Variants in POLN observed in about 807,000 individuals in gnomAD.
The protein encoded by POLN is DNA polymerase N.
POLN carries 108 observed loss-of-function variants against 113.5 expected under a neutral mutation model. That is an observed-to-expected ratio of 0.95 (90% CI 0.81 to 1.12). The LOEUF is 1.12. Ranked by LOEUF, POLN falls within the 50% of genes most tolerant of loss-of-function variation. The probability of loss-of-function intolerance (pLI) is 0.00; values close to 1 mark genes in which losing one functional copy is unlikely to be tolerated. For synonymous variants in POLN, 386 were observed against 391.5 expected (o/e 0.99, Z 0.17); for missense variants, 1,097 against 1,077.1 (o/e 1.02, Z -0.26).
intron 16 of POLN, among the ~76,000 whole-genome samples, chr4:2,144,667 G>A (rs1732089326): frequency 6.6e-6 from 1 of 152,046 alleles, no homozygotes; most frequent in Non-Finnish European, 1.5e-5. Flanking sequence ...CTTAAAAATT[G>A]CTCCCCCACA....
rs34038036 is a variant in POLN at position 2,176,369 on chromosome 4, T to C, written c.1180-35A>G. 4.5e-4 allele frequency: 681 copies of C among 1,523,514 alleles called. 5 individuals are homozygous for C. The East Asian group carries it at 0.013, about 29-fold the overall frequency. The allele number at this position is 1,523,514 out of a possible 1,614,324, so 94.4% of individuals were successfully genotyped here. ...AGCAAAAGTATTTTTAAAAATCAGA[T>C]AAACTTGGTGGCAGTGCTCACCACA... On this transcript the variant is annotated intron_variant, in intron 8 of 25. Coordinates refer to ENST00000511885, the MANE Select transcript of POLN (RefSeq NM_181808.4).
chr4:2,201,068 C>A (rs866585916), intron 5 of POLN, among the ~76,000 whole-genome samples: 1 of 151,830 alleles, frequency 6.6e-6, no homozygotes, highest in African/African-American at 2.4e-5. Context: ...GAGATCGAGA[C>A]CATCCTGGCT....
At chr4:2,081,315 G>T in intron 22 of POLN, 1 of 878,130 alleles carries the variant, frequency 1.1e-6, no homozygotes, top group Non-Finnish European at 1.7e-6. Flanking sequence ...CCTAGGCCAA[G>T]TGCCAAGGAA....
intron 3 of POLN, among the ~76,000 whole-genome samples, chr4:2,222,502 C>G (rs1450000992): frequency 1.3e-5 from 2 of 152,104 alleles, no homozygotes; most frequent in East Asian, 3.9e-4. Flanking sequence ...GACCTCCAGC[C>G]TAGGTATCAC....
rs1425292234 is a variant in POLN at position 2,126,009 on chromosome 4, T to G, written c.1982+2104A>C. On this transcript the variant is annotated intron_variant, in intron 19 of 25. Coordinates refer to ENST00000511885, the MANE Select transcript of POLN (RefSeq NM_181808.4). This position sits in a 1 kb window ranked among gnomAD's most constrained non-coding sequence, Gnocchi z 4.6. Reference sequence around the variant, plus strand: ...GTCACAGAGGGTAAGGTGCAGGGTCTAAGGAGGAGGACAGAGGACAGGAGA... The same window carrying G: ...GTCACAGAGGGTAAGGTGCAGGGTCGAAGGAGGAGGACAGAGGACAGGAGA... 6.6e-6 allele frequency among the ~76,000 whole-genome samples: 1 copy of G among 152,068 alleles called. No homozygotes were observed. The highest frequency in any genetic ancestry group is 2.4e-5 in the African/African-American group (1 of 41,392).
intron 19 of POLN, among the ~76,000 whole-genome samples, chr4:2,097,730 C>T (rs1365635244): frequency 6.6e-6 from 1 of 152,256 alleles, no homozygotes; most frequent in South Asian, 2.1e-4. Flanking sequence ...TCTTGAACTC[C>T]TGGTCTCAAG....
In POLN at chr4:2,242,085, G is replaced by GCCGCCA. The variant is rs1239077232; in HGVS notation, c.-324_-319dup. ...TTCCGCTTGCTTCTCGCAGGAGCCCGCCGCCACCGCCCTCCGTGCCCCGCG... is the reference window on the plus strand; with the variant it reads ...TTCCGCTTGCTTCTCGCAGGAGCCCGCCGCCACCGCCACCGCCCTCCGTGCCCCGCG... On this transcript the variant is annotated 5_prime_UTR_variant, in exon 1 of 26. Coordinates refer to ENST00000511885, the MANE Select transcript of POLN (RefSeq NM_181808.4). 1 of 985,750 alleles carries GCCGCCA rather than the reference G, an allele frequency of 1.0e-6. No individual in the cohort carries two copies. The highest frequency in any genetic ancestry group is 1.7e-5 in the African/African-American group (1 of 57,258). The allele number at this position is 985,750 out of a possible 1,614,324, so 61.1% of individuals were successfully genotyped here. A position where few individuals can be genotyped will look rare whatever the true frequency, so the allele number is the denominator to read the frequency against.
chr4:2,216,193 G>A (rs192530017), intron 3 of POLN, among the ~76,000 whole-genome samples: 43 of 152,302 alleles, frequency 2.8e-4, no homozygotes, highest in African/African-American at 1.0e-3. Flanking sequence ...AGCTCAAAAT[G>A]ACCAGACAGC....
rs751111781 is a variant in POLN, at chr4:2,232,065, TTTTC to T, written c.-12-2826_-12-2823del. ...GATGTAATTTATTATTTGCCAAAGT[TTTTC>T]TTTTTGTCTTCACATCAGCAAGAAT... is the stretch of plus-strand genomic sequence containing the variant. On this transcript the variant is annotated intron_variant, in intron 2 of 25. Coordinates refer to ENST00000511885, the MANE Select transcript of POLN (RefSeq NM_181808.4). The T allele has an allele frequency of 3.3e-5, 53 of 1,594,478 alleles. No homozygotes were observed. In the African/African-American group the frequency reaches 6.8e-4, roughly 21 times the overall value.
chr4:2,198,415 A>T, intron 6 of POLN, 109 bp downstream of exon 6: 1 of 958,170 alleles, frequency 1.0e-6, no homozygotes, highest in Non-Finnish European at 1.5e-6. Context: ...ATGTGCCCAT[A>T]CAAAACTTCT....
chr4:2,227,181 G>T (rs939034523), intron 3 of POLN, among the ~76,000 whole-genome samples: 1 of 152,212 alleles, frequency 6.6e-6, no homozygotes, highest in South Asian at 2.1e-4. Flanking sequence ...TGCTGCTAGG[G>T]AAAGTGAGCT....
intron 19 of POLN, among the ~76,000 whole-genome samples, chr4:2,125,059 TTTTTTGTCCCCCAGTAGAG>T: frequency 6.6e-6 from 1 of 152,136 alleles, no homozygotes; most frequent in Non-Finnish European, 1.5e-5. Flanking sequence ...CTAAAGCAGG[TTTTTTGTCCCCCAGTAGAG>T]GGGAACGAGG....
chr4:2,211,893 C>A (rs1415503841), intron 4 of POLN, among the ~76,000 whole-genome samples: 1 of 152,022 alleles, frequency 6.6e-6, no homozygotes, highest in Admixed American at 6.6e-5. Flanking sequence ...CCTTCGGGAT[C>A]CAAGGAGCAC....
At chr4:2,142,702 A>C (rs886522249) in intron 16 of POLN, among the ~76,000 whole-genome samples, 2 of 152,208 alleles carry the variant, frequency 1.3e-5, no homozygotes, top group Admixed American at 6.5e-5. Flanking sequence ...AAACCTAACA[A>C]AAGCCTGCTC....
At position 2,198,590 on chromosome 4, in the gene POLN, A is replaced by T. The variant is rs901851450; in HGVS notation, c.842T>A (p.Ile281Asn). ...LEGFVSDDPCIYIQIEHSAIW... is the reference protein window; with the variant it reads ...LEGFVSDDPCNYIQIEHSAIW... ...AGCAGAGTGCTCTATTTGAATGTAG[A>T]TGCATGGATCATCTGACACAAAGCC... The change falls in exon 6 of 26, where the codon ATC becomes AAC. Residue 281 changes from isoleucine (I) to asparagine (N), a missense_variant. By Grantham distance (149) the Ile-to-Asn change is moderately radical (BLOSUM62 -3). Coordinates refer to ENST00000511885, the MANE Select transcript of POLN (RefSeq NM_181808.4). The T allele has an allele frequency of 1.9e-6, 3 of 1,613,740 alleles. No individual in the cohort carries two copies. In the African/African-American group the frequency reaches 4.0e-5, roughly 22 times the overall value.
At chr4:2,081,499 G>T in intron 22 of POLN, 134 bp downstream of exon 22, 1 of 827,338 alleles carries the variant, frequency 1.2e-6, no homozygotes, top group Non-Finnish European at 2.0e-6. Context: ...CATGGGTAGT[G>T]TAAGCTCCTG....
chr4:2,165,268 T>C (rs577031768), intron 13 of POLN, among the ~76,000 whole-genome samples: 2 of 152,206 alleles, frequency 1.3e-5, no homozygotes, highest in Non-Finnish European at 2.9e-5. Context: ...ACTATCAGGC[T>C]GTGAAAAGAC....
chr4:2,184,142 C>T (rs370117884), intron 7 of POLN, among the ~76,000 whole-genome samples: 200 of 148,836 alleles, frequency 1.3e-3, no homozygotes, highest in Middle Eastern at 6.9e-3. Flanking sequence ...ACGTGAGCCA[C>T]CGTGCCCAGC....
intron 16 of POLN, among the ~76,000 whole-genome samples, chr4:2,138,461 A>G (rs769162705): frequency 2.0e-5 from 3 of 152,310 alleles, no homozygotes; most frequent in Middle Eastern, 3.4e-3. Flanking sequence ...TGTGCAGGCA[A>G]CAAGGGTGGG....
Sources: allele counts gnomAD v4.1 joint callset (sites outside exome capture counted in the v4.1 genomes callset), GRCh38; gene constraint gnomAD v4.1.1; non-coding constraint Gnocchi (gnomAD v3.1); transcripts MANE v1.5; gene names NCBI Gene and HGNC (gene_info 2026-07-23, HGNC 2026-07-21).